Variants in GRID1 observed in about 807,000 individuals in gnomAD.
GRID1 encodes glutamate ionotropic receptor delta type subunit 1, also known as glutamate receptor ionotropic, delta-1.
A neutral mutation model predicts 98.0 loss-of-function variants in GRID1; 28 were observed. The observed-to-expected ratio is 0.29, with a 90% confidence interval of 0.21 to 0.39. GRID1 has a LOEUF of 0.39. GRID1 is among the 10% of genes least tolerant of loss of function. GRID1 has a pLI of 1.00. For synonymous variants in GRID1, 553 were observed against 538.5 expected, an observed-to-expected ratio of 1.03 and a Z score of -0.37; for missense variants, 1,111 against 1,340.5, an observed-to-expected ratio of 0.83 and a Z score of 2.67.
At chr10:86,254,381 T>G (rs927545247) in intron 2 of GRID1, among the ~76,000 whole-genome samples, 3 of 152,204 alleles carry the variant, frequency 2.0e-5, no homozygotes, top group African/African-American at 7.2e-5. Context: ...AGCACCAGCA[T>G]CTCCTGGGAA....
intron 15 of GRID1, among the ~76,000 whole-genome samples, chr10:85,610,797 A>G (rs999535306): frequency 3.3e-5 from 5 of 152,200 alleles, no homozygotes; most frequent in African/African-American, 4.8e-5. Context: ...GAAGGAAGGG[A>G]GACATTGCAT....
chr10:85,651,389 T>C (rs963754555), intron 12 of GRID1, among the ~76,000 whole-genome samples: 1 of 152,192 alleles, frequency 6.6e-6, no homozygotes, highest in Non-Finnish European at 1.5e-5. Flanking sequence ...TCCAGGCTCA[T>C]GTGATTGGAG....
chr10:85,781,569 A>C (rs1485152073), intron 8 of GRID1, among the ~76,000 whole-genome samples: 1 of 152,210 alleles, frequency 6.6e-6, no homozygotes, highest in African/African-American at 2.4e-5. Context: ...GTGATGCTGG[A>C]GCGTAGGTAA....
At chr10:85,731,521 C>T (rs981616756) in intron 8 of GRID1, among the ~76,000 whole-genome samples, 1 of 150,842 alleles carries the variant, frequency 6.6e-6, no homozygotes, top group Non-Finnish European at 1.5e-5. Context: ...AAAAAATAGG[C>T]TGAGAGCTGT....
intron 8 of GRID1, among the ~76,000 whole-genome samples, chr10:85,737,457 A>G (rs1256010136): frequency 1.3e-5 from 2 of 151,602 alleles, no homozygotes; most frequent in African/African-American, 2.4e-5. Flanking sequence ...AGCTTCTACT[A>G]CCTTAAAGCC....
chr10:85,722,584 G>A (rs1408612863), intron 12 of GRID1, among the ~76,000 whole-genome samples: 1 of 151,928 alleles, frequency 6.6e-6, no homozygotes, highest in African/African-American at 2.4e-5. Flanking sequence ...TCTACTTATT[G>A]TGGCAATTGG....
intron 4 of GRID1, among the ~76,000 whole-genome samples, chr10:85,969,413 C>T (rs1053992821): frequency 2.6e-5 from 4 of 152,074 alleles, no homozygotes; most frequent in Admixed American, 2.6e-4. Context: ...GGAACATTTC[C>T]CCAGGATAGG....
intron 2 of GRID1, among the ~76,000 whole-genome samples, chr10:86,247,180 G>A (rs1034197792): frequency 2.0e-5 from 3 of 152,056 alleles, no homozygotes; most frequent in East Asian, 3.9e-4. Flanking sequence ...TGGATGGATG[G>A]ATATATGAGT....
At chr10:86,273,619 G>A (rs1336638294) in intron 2 of GRID1, among the ~76,000 whole-genome samples, 17 of 152,060 alleles carry the variant, frequency 1.1e-4, no homozygotes, top group Non-Finnish European at 2.2e-4. Context: ...CTGGTGTGAG[G>A]TAGTATCTCA....
chr10:86,082,931 G>T (rs1282301370), intron 4 of GRID1, among the ~76,000 whole-genome samples: 1 of 152,198 alleles, frequency 6.6e-6, no homozygotes, highest in Non-Finnish European at 1.5e-5. Flanking sequence ...GATGATCTCA[G>T]CTCTGGGTTT....
At chr10:86,163,647 G>A (rs7912161) in intron 3 of GRID1, among the ~76,000 whole-genome samples, 32,552 of 152,062 alleles carry the variant, frequency 0.21, 4,406 homozygotes, top group African/African-American at 0.39. Context: ...GTCAGAGGCT[G>A]AGACTTTGAG....
chr10:86,339,431 A>C (rs767093630), intron 2 of GRID1, among the ~76,000 whole-genome samples: 15 of 152,296 alleles, frequency 9.8e-5, no homozygotes, highest in Non-Finnish European at 2.1e-4. Context: ...CTCCACCTAC[A>C]CTAATTAACT....
chr10:85,611,245 G>A (rs1216475503), intron 15 of GRID1, among the ~76,000 whole-genome samples: 1 of 152,090 alleles, frequency 6.6e-6, no homozygotes. Flanking sequence ...AATTAACTGT[G>A]GGTGGTCCAG....
intron 2 of GRID1, among the ~76,000 whole-genome samples, chr10:86,316,201 G>GGGA (rs1239682223): frequency 6.6e-6 from 1 of 152,220 alleles, no homozygotes; most frequent in African/African-American, 2.4e-5. Context: ...GCTGCACTCT[G>GGGA]GGACATGCCA....
chr10:85,854,873 C>G (rs898185869), intron 7 of GRID1, among the ~76,000 whole-genome samples: 2 of 152,194 alleles, frequency 1.3e-5, no homozygotes, highest in African/African-American at 4.8e-5. Flanking sequence ...GCTTAGAGTC[C>G]CTGCTATGTG....
intron 4 of GRID1, among the ~76,000 whole-genome samples, chr10:86,099,137 A>T (rs1844259827): frequency 6.6e-6 from 1 of 152,158 alleles, no homozygotes; most frequent in South Asian, 2.1e-4. Flanking sequence ...TGGTACCAGA[A>T]CTTCTTTCAA....
chr10:85,600,030 T>A lies in GRID1; in HGVS notation c.*2243A>T, dbSNP rs969788867. ...CTAAGCAGAACCATCCAAGAAGACA[T>A]CCAAGCTATACCCCAGAAGACAGGC... is the stretch of plus-strand genomic sequence containing the variant. On this transcript the variant is annotated 3_prime_UTR_variant, in exon 16 of 16. Coordinates refer to ENST00000327946, the MANE Select transcript of GRID1 (RefSeq NM_017551.3). 6.6e-6 allele frequency: 1 copy of A among 150,578 alleles called. No homozygotes were observed. The highest frequency in any genetic ancestry group is 6.6e-5 in the Admixed American group (1 of 15,054). The allele number at this position is 150,578 out of a possible 1,614,324, so 9.3% of individuals were successfully genotyped here.
At chr10:86,294,165 T>C (rs1847554824) in intron 2 of GRID1, among the ~76,000 whole-genome samples, 1 of 152,088 alleles carries the variant, frequency 6.6e-6, no homozygotes, top group African/African-American at 2.4e-5. Flanking sequence ...CACGGAGTCC[T>C]GGGGCAAGCT....
chr10:85,769,355 T>G (rs916739919), intron 8 of GRID1, among the ~76,000 whole-genome samples: 1 of 152,204 alleles, frequency 6.6e-6, no homozygotes, highest in African/African-American at 2.4e-5. Context: ...CCAAGATGGC[T>G]GAATAGGAAC....
Sources: allele counts gnomAD v4.1 joint callset (sites outside exome capture counted in the v4.1 genomes callset), GRCh38; gene constraint gnomAD v4.1.1; transcripts MANE v1.5; gene names NCBI Gene and HGNC (gene_info 2026-07-23, HGNC 2026-07-21).